The following SYNE1 variants were observed in gnomAD, a reference collection of about 807,000 sequenced individuals.
The protein encoded by SYNE1 is nesprin-1.
A neutral mutation model predicts 1,111.0 loss-of-function variants in SYNE1; 616 were observed. The ratio of observed to expected loss-of-function variants is 0.55; its 90% CI spans 0.52 to 0.59. The LOEUF (loss-of-function observed/expected upper bound fraction) is 0.59, where lower values mean the gene tolerates loss of function less well. Among genes scored for constraint, SYNE1 ranks in the 20% least tolerant of loss-of-function variants. The pLI, the probability that SYNE1 is intolerant of heterozygous loss-of-function variation, is 0.00. For synonymous variants in SYNE1, 3,855 were observed against 3,825.8 expected, an observed-to-expected ratio of 1.01 and a Z score of -0.28; for missense variants, 10,006 against 10,417.0, an observed-to-expected ratio of 0.96 and a Z score of 1.72.
intron 32 of SYNE1, 28 bp downstream of exon 32, chr6:152,441,102 T>A: frequency 6.2e-7 from 1 of 1,612,604 alleles, no homozygotes; most frequent in South Asian, 1.1e-5. Context: ...TTTTTCTGAA[T>A]ATTGGGTACC....
chr6:152,251,628 G>A (rs370024023), intron 104 of SYNE1, among the ~76,000 whole-genome samples: 8 of 150,832 alleles, frequency 5.3e-5, no homozygotes, highest in South Asian at 2.1e-4. Flanking sequence ...GCGTAGTGGC[G>A]GGCGCCTGTA....
At chr6:152,584,698 C>A (rs1254864084) in intron 3 of SYNE1, among the ~76,000 whole-genome samples, 1 of 152,162 alleles carries the variant, frequency 6.6e-6, no homozygotes, top group East Asian at 1.9e-4. Flanking sequence ...CCACTGCACC[C>A]GGCCTTATAC....
In SYNE1 at chr6:152,447,602, G is replaced by A. The variant is rs761360867; in HGVS notation, c.3525C>T (p.Thr1175=). ...GCCAGCTGAGGGTCTCACCCCTTTT[G>A]GTAACACCATTTCTGATCTCCTGAA... ...RAVEEIRNGV[T]KRGETLSWLK... is the part of the protein sequence containing the mutation. Residue 1175 remains threonine (T), a synonymous_variant, in exon 29 of 146, where the codon ACC becomes ACT. Coordinates refer to ENST00000367255, the MANE Select transcript of SYNE1 (RefSeq NM_182961.4). The A allele has an allele frequency of 6.2e-6, 10 of 1,614,048 alleles. No homozygotes were observed. In the African/African-American group the frequency reaches 1.3e-4, roughly 22 times the overall value.
At chr6:152,608,016 C>T (rs1194113415) in intron 3 of SYNE1, among the ~76,000 whole-genome samples, 2 of 152,098 alleles carry the variant, frequency 1.3e-5, no homozygotes, top group East Asian at 3.9e-4. Flanking sequence ...AGGAACAACA[C>T]ACACTGGGGC....
rs1429745734 is a variant in SYNE1, at chr6:152,354,757, C to G, written c.10828G>C (p.Val3610Leu). The change falls in exon 67 of 146, where the codon GTA (valine) becomes CTA (leucine). Residue 3610 changes from valine (V) to leucine (L), a missense_variant. By Grantham distance (32) the Val-to-Leu change is conservative (BLOSUM62 1). Around this residue, in one of 7 missense-constraint regions of SYNE1, gnomAD observed 4,955 missense variants for 5,017.2 expected, o/e 0.99. Transcript: ENST00000367255. ...TCTGCTGTTTTGAGCCATTCATCTA[C>G]TTGCTGAAACTTTTGCTCCATTAGC... Reference protein sequence around the residue: ...LRLMEQKFQQVDEWLKTAEEK... With the variant: ...LRLMEQKFQQLDEWLKTAEEK... 6.2e-7 allele frequency: 1 copy of G among 1,614,238 alleles called. No individual in the cohort carries two copies. The highest frequency in any genetic ancestry group is 1.7e-5 in the Admixed American group (1 of 60,028).
chr6:152,179,754 G>A (rs1300801873), intron 129 of SYNE1, among the ~76,000 whole-genome samples: 2 of 126,650 alleles, frequency 1.6e-5, no homozygotes, highest in Admixed American at 1.0e-4. Flanking sequence ...GCACGATCTC[G>A]GCTCACTGCA....
chr6:152,130,642 G>C (rs574503597), intron 145 of SYNE1, 78 bp downstream of exon 145: 2 of 1,507,170 alleles, frequency 1.3e-6, no homozygotes, highest in East Asian at 2.3e-5. Context: ...ACCAGATATA[G>C]GTCAACCTAA....
At chr6:152,571,660 C>T (rs539864430) in intron 3 of SYNE1, among the ~76,000 whole-genome samples, 1 of 152,138 alleles carries the variant, frequency 6.6e-6, no homozygotes, top group South Asian at 2.1e-4. Flanking sequence ...CTGTAAAGTA[C>T]CCACAAAGAG....
chr6:152,466,767 T>A (rs910083281), intron 16 of SYNE1, among the ~76,000 whole-genome samples: 2 of 152,232 alleles, frequency 1.3e-5, no homozygotes, highest in African/African-American at 2.4e-5. Flanking sequence ...GAATATAAAA[T>A]AATGTGCGTT....
rs73782482 is a variant in SYNE1 at position 152,427,286 on chromosome 6, C to T, written c.5100+407G>A. ...ATTACTTATTTCTTTAAAAGAACAC[C>T]CTTTATTGCCCAAACGTCATATAAT... On this transcript the variant is annotated intron_variant, in intron 38 of 145. Transcript: ENST00000367255. 2.5e-3 allele frequency among the ~76,000 whole-genome samples: 379 copies of T among 152,186 alleles called. 1 individual carries two copies. Among genetic ancestry groups the T allele is most frequent in the African/African-American group, 9.0e-3 (372 of 41,520 alleles).
At chr6:152,237,455 G>A (rs1054816859) in intron 108 of SYNE1, among the ~76,000 whole-genome samples, 24 of 151,014 alleles carry the variant, frequency 1.6e-4, no homozygotes, top group Middle Eastern at 3.4e-3. Context: ...GACCACAGGC[G>A]CATTCCACCA....
intron 92 of SYNE1, among the ~76,000 whole-genome samples, chr6:152,301,189 G>A (rs964555076): frequency 1.3e-5 from 2 of 151,086 alleles, no homozygotes; most frequent in African/African-American, 4.9e-5. Flanking sequence ...TGCACCCAAA[G>A]TACTGTTATT....
chr6:152,341,165 T>G (rs533050736), intron 74 of SYNE1, among the ~76,000 whole-genome samples: 25 of 152,266 alleles, frequency 1.6e-4, no homozygotes, highest in Middle Eastern at 3.4e-3. Context: ...CCTTTTCAAT[T>G]GAATGTACAA....
chr6:152,374,775 AAAATAAATAAAT>A (rs142488346), intron 58 of SYNE1, among the ~76,000 whole-genome samples: 4 of 149,676 alleles, frequency 2.7e-5, no homozygotes, highest in South Asian at 2.1e-4. Context: ...ACTTTTCTCA[AAAATAAATAAAT>A]AAATAAATAA....
intron 3 of SYNE1, among the ~76,000 whole-genome samples, chr6:152,588,965 T>C (rs2128491774): frequency 6.6e-6 from 1 of 152,182 alleles, no homozygotes; most frequent in Non-Finnish European, 1.5e-5. Context: ...TCTCTTTTTT[T>C]TTTCAACAGA....
intron 108 of SYNE1, among the ~76,000 whole-genome samples, chr6:152,237,844 A>C (rs2084577902): frequency 6.6e-6 from 1 of 152,212 alleles, no homozygotes; most frequent in Non-Finnish European, 1.5e-5. Flanking sequence ...TTAAAAGATC[A>C]GTTGAAGTCT....
intron 89 of SYNE1, 40 bp from the exon 90 acceptor site, chr6:152,310,057 A>G: frequency 3.8e-6 from 6 of 1,582,852 alleles, no homozygotes; most frequent in South Asian, 1.1e-5. Flanking sequence ...TTAATATTTA[A>G]ATCATTTATT....
Position 152,393,387 on chromosome 6 carries a change from G to T in SYNE1, c.7713-1819C>A, listed in dbSNP as rs138129790. Among the ~76,000 whole-genome samples the T allele has an allele frequency of 3.5e-3, 533 of 152,124 alleles. 6 individuals carry two copies. Among genetic ancestry groups the T allele is most frequent in the African/African-American group, 0.012 (501 of 41,482 alleles). ...GAAGTAGGTCTGGGTGTGTTATATT[G>T]TATCTAGACACGAGTCAACATTTAA... is the stretch of plus-strand genomic sequence containing the variant. On this transcript the variant is annotated intron_variant, in intron 51 of 145. Transcript: ENST00000367255.
intron 3 of SYNE1, among the ~76,000 whole-genome samples, chr6:152,594,645 T>C (rs2099575790): frequency 6.6e-6 from 1 of 152,142 alleles, no homozygotes; most frequent in African/African-American, 2.4e-5. Flanking sequence ...CTAAAAACAA[T>C]TCATTAAAAT....
Sources: gnomAD v4.1 joint callset for allele counts (sites outside exome capture counted in the v4.1 genomes callset) on GRCh38, gnomAD v4.1.1 for gene constraint, gnomAD v4.1.1 regional missense constraint, MANE v1.5 for transcripts, NCBI Gene and HGNC (gene_info 2026-07-23, HGNC 2026-07-21) for gene names.